SOWAHA: variants seen among roughly 807,000 people sequenced by gnomAD.
SOWAHA encodes ankyrin repeat domain-containing protein SOWAHA.
A neutral mutation model predicts 21.1 loss-of-function variants in SOWAHA; 17 were observed. The observed-to-expected ratio is 0.80, with a 90% CI of 0.55 to 1.21. SOWAHA has a LOEUF of 1.21. Among genes scored for constraint, SOWAHA ranks in the 50% most tolerant of loss-of-function variants. The pLI is 0.00. For synonymous variants in SOWAHA, 422 were observed against 397.1 expected, an observed-to-expected ratio of 1.06 and a Z score of -0.75; for missense variants, 862 against 816.0, an observed-to-expected ratio of 1.06 and a Z score of -0.69.
At position 132,814,512 on chromosome 5, in the gene SOWAHA, C is replaced by T. The variant is rs1199507737; in HGVS notation, c.891C>T (p.Pro297=). ...TGAGCCCTGACGCCGAGGAGTTGCC[C>T]GCCGCGCCGCCGCCGTCCGCGGTGC... ...RLLSPDAEEL[P]AAPPPSAVPL... The change falls in exon 1 of 1, where the codon CCC becomes CCT. Residue 297 remains proline (P), a synonymous_variant. Coordinates refer to ENST00000378693, the MANE Select transcript of SOWAHA (RefSeq NM_175873.6). 5 of 1,368,742 alleles carry T rather than the reference C, an allele frequency of 3.7e-6. No homozygotes were observed. The highest frequency in any genetic ancestry group is 1.5e-5 in the African/African-American group (1 of 65,060). 84.8% of individuals were successfully genotyped at this position (1,368,742 alleles called of 1,614,324 possible).
chr5:132,816,755 T>C lies in SOWAHA; in HGVS notation c.*1484T>C, dbSNP rs1440548984. 2 of 166,924 alleles carry C rather than the reference T, an allele frequency of 1.2e-5. No individual in the cohort carries two copies. The highest frequency in any genetic ancestry group is 4.8e-5 in the African/African-American group (2 of 41,472). The allele number at this position is 166,924 out of a possible 1,614,324, so 10.3% of individuals were successfully genotyped here. A position where few individuals can be genotyped will look rare whatever the true frequency, so the allele number is the denominator to read the frequency against. On this transcript the variant is annotated 3_prime_UTR_variant, in exon 1 of 1. Coordinates refer to ENST00000378693, the MANE Select transcript of SOWAHA (RefSeq NM_175873.6). ...GGCAGTCTTTCATGGAATGTTTTGA[T>C]TGAGCAATGAAATAAACAGTCCTCC... is the stretch of plus-strand genomic sequence containing the variant.
At position 132,816,661 on chromosome 5, in the gene SOWAHA, G is replaced by C. The variant is rs1758388052; in HGVS notation, c.*1390G>C. ...GTCATTAGTTATATCAAATAGTTTT[G>C]TGGCATGGGGTAGTGGAGCTTCCCT... On this transcript the variant is annotated 3_prime_UTR_variant, in exon 1 of 1. Transcript: ENST00000378693. 1 of 167,090 alleles carries C rather than the reference G, an allele frequency of 6.0e-6. No individual in the cohort carries two copies. The highest frequency in any genetic ancestry group is 1.5e-5 in the Non-Finnish European group (1 of 68,116). The allele number at this position is 167,090 out of a possible 1,614,324, so 10.4% of individuals were successfully genotyped here.
chr5:132,814,271 G>C lies in SOWAHA; in HGVS notation c.650G>C (p.Cys217Ser), dbSNP rs939165478. The C allele has an allele frequency of 6.6e-7, 1 of 1,515,284 alleles. No individual in the cohort carries two copies. Among genetic ancestry groups the C allele is most frequent in the Non-Finnish European group, 8.8e-7 (1 of 1,139,200 alleles). The allele number at this position is 1,515,284 out of a possible 1,614,324, so 93.9% of individuals were successfully genotyped here. Reference protein sequence around the residue: ...AAKGPPQQKPCMLPVRCVPAP... With the variant: ...AAKGPPQQKPSMLPVRCVPAP... Reference sequence around the variant, plus strand: ...AAAGGGCCGCCGCAGCAGAAGCCCTGTATGCTGCCGGTGCGCTGCGTCCCG... The same window carrying C: ...AAAGGGCCGCCGCAGCAGAAGCCCTCTATGCTGCCGGTGCGCTGCGTCCCG... The change falls in exon 1 of 1, where the codon TGT becomes TCT. Residue 217 changes from cysteine (C) to serine (S), a missense_variant. Transcript: ENST00000378693.
rs1345128382 is a variant in SOWAHA at position 132,814,781 on chromosome 5, C to T, written c.1160C>T (p.Thr387Met). The change falls in exon 1 of 1, where the codon ACG becomes ATG. Residue 387 changes from threonine to methionine, a missense_variant. Transcript: ENST00000378693. ...AACGCACGCTCCCACGGCGGCTACACGCCGCTGCACCTGGCTGCACTGCAC... is the reference window on the plus strand; with the variant it reads ...AACGCACGCTCCCACGGCGGCTACATGCCGCTGCACCTGGCTGCACTGCAC... ...DVNARSHGGYTPLHLAALHGH... is the reference protein window; with the variant it reads ...DVNARSHGGYMPLHLAALHGH... The T allele has an allele frequency of 6.5e-7, 1 of 1,529,622 alleles. No homozygotes were observed. The highest frequency in any genetic ancestry group is 1.2e-5 in the South Asian group (1 of 83,152). 94.8% of individuals were successfully genotyped at this position (1,529,622 alleles called of 1,614,324 possible).
rs1758368903 is a variant in SOWAHA at position 132,815,067 on chromosome 5, C to T, written c.1446C>T (p.Val482=). 3 of 1,612,112 alleles carry T rather than the reference C, an allele frequency of 1.9e-6. No homozygotes were observed. Among genetic ancestry groups the T allele is most frequent in the Non-Finnish European group, 2.5e-6 (3 of 1,178,932 alleles). Residue 482 remains valine, a synonymous_variant, in exon 1 of 1, where the codon GTC becomes GTT. Transcript: ENST00000378693. ...LSSTTSAFLG[V]LADDLMLQDL... ...CCACCACCAGTGCATTTCTGGGCGT[C>T]CTGGCTGACGACCTCATGCTCCAGG...
Position 132,816,439 on chromosome 5 carries a change from G to A in SOWAHA, c.*1168G>A. The A allele has an allele frequency of 6.0e-6, 1 of 167,214 alleles. No individual in the cohort carries two copies. The allele number at this position is 167,214 out of a possible 1,614,324, so 10.4% of individuals were successfully genotyped here. A position where few individuals can be genotyped will look rare whatever the true frequency, so the allele number is the denominator to read the frequency against. Reference sequence around the variant, plus strand: ...CAAATGCAGAATCTCTGCTCAGTGAGCTTGGATGAGTGGCTTAACTTCTCT... The same window carrying A: ...CAAATGCAGAATCTCTGCTCAGTGAACTTGGATGAGTGGCTTAACTTCTCT... On this transcript the variant is annotated 3_prime_UTR_variant, in exon 1 of 1. Transcript: ENST00000378693.
In SOWAHA at chr5:132,814,334, G is replaced by A; in HGVS notation, c.713G>A (p.Gly238Asp). The A allele has an allele frequency of 2.0e-6, 3 of 1,483,502 alleles. No individual in the cohort carries two copies. Among genetic ancestry groups the A allele is most frequent in the Non-Finnish European group, 2.7e-6 (3 of 1,126,468 alleles). The allele number at this position is 1,483,502 out of a possible 1,614,324, so 91.9% of individuals were successfully genotyped here. A position where few individuals can be genotyped will look rare whatever the true frequency, so the allele number is the denominator to read the frequency against. ...CTCCGCCTCCGGGCGGAGGAGCCCG[G>A]CCTGCGCCGGCAGCTGTCGGAGGAG... ...ATLRLRAEEP[G>D]LRRQLSEEPS... Residue 238 changes from glycine (G) to aspartate (D), a missense_variant, in exon 1 of 1, where the codon GGC becomes GAC. Transcript: ENST00000378693.
At position 132,814,841 on chromosome 5, in the gene SOWAHA, G is replaced by A. The variant is rs763068818; in HGVS notation, c.1220G>A (p.Arg407His). 3.3e-6 allele frequency: 5 copies of A among 1,516,192 alleles called. No individual in the cohort carries two copies. Among genetic ancestry groups the A allele is most frequent in the Admixed American group, 2.0e-5 (1 of 50,084 alleles). 93.9% of individuals were successfully genotyped at this position (1,516,192 alleles called of 1,614,324 possible). A position where few individuals can be genotyped will look rare whatever the true frequency, so the allele number is the denominator to read the frequency against. The change falls in exon 1 of 1, where the codon CGT becomes CAT. Residue 407 changes from arginine (R) to histidine (H), a missense_variant. By Grantham distance (29) the Arg-to-His change is conservative. Coordinates refer to ENST00000378693, the MANE Select transcript of SOWAHA (RefSeq NM_175873.6). ...GACGCTGCCGTGCTGCTGGTGGTGC[G>A]TCTGGGTGCCCAGGTGCACGTGCGT... ...HEDAAVLLVV[R>H]LGAQVHVRDH...
Position 132,813,552 on chromosome 5 carries a change from C to A in SOWAHA, c.-70C>A. On this transcript the variant is annotated 5_prime_UTR_variant, in exon 1 of 1. Transcript: ENST00000378693. ...TGAGCGCGGCCGCGCCTCCCGGAAC[C>A]CCGCTCCCGCGCGTCCCGCGGCGAC... 9.3e-7 allele frequency: 1 copy of A among 1,077,888 alleles called. No homozygotes were observed. The highest frequency in any genetic ancestry group is 4.5e-5 in the South Asian group (1 of 22,376). The allele number at this position is 1,077,888 out of a possible 1,614,324, so 66.8% of individuals were successfully genotyped here.
In SOWAHA at chr5:132,815,393, C is replaced by T; in HGVS notation, c.*122C>T. ...ATTCTGTTTCCAGCTTTGTCCAGGG[C>T]AGCCTGTTTTACCCAGATGGGCCTG... On this transcript the variant is annotated 3_prime_UTR_variant, in exon 1 of 1. Transcript: ENST00000378693. 1.1e-6 allele frequency: 1 copy of T among 922,866 alleles called. No individual in the cohort carries two copies. The highest frequency in any genetic ancestry group is 1.8e-5 in the South Asian group (1 of 54,492). The allele number at this position is 922,866 out of a possible 1,614,324, so 57.2% of individuals were successfully genotyped here.
rs1209822494 is a variant in SOWAHA at position 132,816,380 on chromosome 5, A to G, written c.*1109A>G. ...AAGTATGTAATACCCATTTTAAAAA[A>G]CCATTTGAAAGTAGACAACTTATTC... On this transcript the variant is annotated 3_prime_UTR_variant, in exon 1 of 1. Transcript: ENST00000378693. The G allele has an allele frequency of 6.0e-6, 1 of 167,114 alleles. No individual in the cohort carries two copies. The highest frequency in any genetic ancestry group is 1.5e-5 in the Non-Finnish European group (1 of 68,130). 10.4% of individuals were successfully genotyped at this position (167,114 alleles called of 1,614,324 possible).
At position 132,814,364 on chromosome 5, in the gene SOWAHA, G is replaced by T. The variant is rs1017342479; in HGVS notation, c.743G>T (p.Ser248Ile). ...GLRRQLSEEP[S>I]PRSSPLLLRR... ...CGCCGGCAGCTGTCGGAGGAGCCGA[G>T]CCCGCGGAGCTCCCCTCTGCTGCTG... Residue 248 changes from serine to isoleucine, a missense_variant, in exon 1 of 1, where the codon AGC becomes ATC. Coordinates refer to ENST00000378693, the MANE Select transcript of SOWAHA (RefSeq NM_175873.6). The T allele has an allele frequency of 6.0e-6, 9 of 1,491,176 alleles. No homozygotes were observed. The Admixed American group carries it at 8.9e-5, about 15-fold the overall frequency. 92.4% of individuals were successfully genotyped at this position (1,491,176 alleles called of 1,614,324 possible). A position where few individuals can be genotyped will look rare whatever the true frequency, so the allele number is the denominator to read the frequency against.
rs779571118 is a variant in SOWAHA, at chr5:132,813,663, G to C, written c.42G>C (p.Val14=). 6.9e-7 allele frequency: 1 copy of C among 1,453,758 alleles called. No individual in the cohort carries two copies. The highest frequency in any genetic ancestry group is 1.4e-5 in the South Asian group (1 of 71,366). 90.1% of individuals were successfully genotyped at this position (1,453,758 alleles called of 1,614,324 possible). The change falls in exon 1 of 1, where the codon GTG becomes GTC. Residue 14 remains valine (V), a synonymous_variant. Coordinates refer to ENST00000378693, the MANE Select transcript of SOWAHA (RefSeq NM_175873.6). The part of the protein sequence containing the change: ...AAAAAAAAAG[V]SQAAVLGFLQ... ...CCGCCGCCGCTGCGGCTGCCGGGGTGAGCCAGGCGGCGGTGCTGGGCTTCC... is the reference window on the plus strand; with the variant it reads ...CCGCCGCCGCTGCGGCTGCCGGGGTCAGCCAGGCGGCGGTGCTGGGCTTCC...
At position 132,814,204 on chromosome 5, in the gene SOWAHA, T is replaced by A. The variant is rs756822204; in HGVS notation, c.583T>A (p.Cys195Ser). 2 of 1,586,656 alleles carry A rather than the reference T, an allele frequency of 1.3e-6. No individual in the cohort carries two copies. The highest frequency in any genetic ancestry group is 1.4e-5 in the African/African-American group (1 of 73,306). The change falls in exon 1 of 1, where the codon TGC becomes AGC. Residue 195 changes from cysteine (C) to serine (S), a missense_variant. Cys to Ser is a moderately radical substitution (Grantham distance 112). Coordinates refer to ENST00000378693, the MANE Select transcript of SOWAHA (RefSeq NM_175873.6). ...GGCCCCTTCTGAGGCGGCATCGCCCTGCTCTGATCCGCCAGACGCGGAGCC... is the reference window on the plus strand; with the variant it reads ...GGCCCCTTCTGAGGCGGCATCGCCCAGCTCTGATCCGCCAGACGCGGAGCC... ...PRAPSEAASPCSDPPDAEPGP... is the reference protein window; with the variant it reads ...PRAPSEAASPSSDPPDAEPGP...
In SOWAHA at chr5:132,815,314, TC is replaced by T; in HGVS notation, c.*44del. On this transcript the variant is annotated 3_prime_UTR_variant, in exon 1 of 1. Coordinates refer to ENST00000378693, the MANE Select transcript of SOWAHA (RefSeq NM_175873.6). ...ACCTGGTTGATCTATCGTGGCCTGC[TC>T]GTCGCAGTCCAAACCCGCCCAAGAC... 4 of 1,533,252 alleles carry T rather than the reference TC, an allele frequency of 2.6e-6. No homozygotes were observed. The highest frequency in any genetic ancestry group is 3.5e-6 in the Non-Finnish European group (4 of 1,128,398). The allele number at this position is 1,533,252 out of a possible 1,614,324, so 95.0% of individuals were successfully genotyped here.
In SOWAHA at chr5:132,814,581, G is replaced by A. The variant is rs1161073047; in HGVS notation, c.960G>A (p.Gly320=). Residue 320 remains glycine, a synonymous_variant, in exon 1 of 1, where the codon GGG becomes GGA. Transcript: ENST00000378693. Reference sequence around the variant, plus strand: ...ACGAGTGGCTCGTGCGGACTGCCGGGGGCCGCTGGACCCACCAGCTGCACG... The same window carrying A: ...ACGAGTGGCTCGTGCGGACTGCCGGAGGCCGCTGGACCCACCAGCTGCACG... ...SEHEWLVRTA[G]GRWTHQLHGL... 2 of 1,469,126 alleles carry A rather than the reference G, an allele frequency of 1.4e-6. No individual in the cohort carries two copies. The highest frequency in any genetic ancestry group is 1.8e-6 in the Non-Finnish European group (2 of 1,117,978). The allele number at this position is 1,469,126 out of a possible 1,614,324, so 91.0% of individuals were successfully genotyped here.
In SOWAHA at chr5:132,815,321, A is replaced by G. The variant is rs1313389291; in HGVS notation, c.*50A>G. ...TGATCTATCGTGGCCTGCTCGTCGC[A>G]GTCCAAACCCGCCCAAGACTGCAGC... is the stretch of plus-strand genomic sequence containing the variant. On this transcript the variant is annotated 3_prime_UTR_variant, in exon 1 of 1. Transcript: ENST00000378693. 1 of 1,498,288 alleles carries G rather than the reference A, an allele frequency of 6.7e-7. No individual in the cohort carries two copies. Among genetic ancestry groups the G allele is most frequent in the Non-Finnish European group, 9.1e-7 (1 of 1,103,864 alleles). The allele number at this position is 1,498,288 out of a possible 1,614,324, so 92.8% of individuals were successfully genotyped here.
chr5:132,814,819 G>A lies in SOWAHA; in HGVS notation c.1198G>A (p.Ala400Thr). The A allele has an allele frequency of 6.6e-7, 1 of 1,516,690 alleles. No homozygotes were observed. The highest frequency in any genetic ancestry group is 8.8e-7 in the Non-Finnish European group (1 of 1,131,714). 94.0% of individuals were successfully genotyped at this position (1,516,690 alleles called of 1,614,324 possible). A position where few individuals can be genotyped will look rare whatever the true frequency, so the allele number is the denominator to read the frequency against. The change falls in exon 1 of 1, where the codon GCT (alanine) becomes ACT (threonine). Residue 400 changes from alanine (A) to threonine (T), a missense_variant. Physicochemically the swap from Ala to Thr is moderately conservative, Grantham distance 58. Transcript: ENST00000378693. ...HLAALHGHED[A>T]AVLLVVRLGA... is the part of the protein sequence containing the mutation. The stretch of plus-strand genomic sequence containing the variant: ...GGCTGCACTGCACGGCCACGAGGAC[G>A]CTGCCGTGCTGCTGGTGGTGCGTCT...
In SOWAHA at chr5:132,814,579, G is replaced by C; in HGVS notation, c.958G>C (p.Gly320Arg). The C allele has an allele frequency of 6.8e-7, 1 of 1,464,500 alleles. No individual in the cohort carries two copies. Among genetic ancestry groups the C allele is most frequent in the Non-Finnish European group, 9.0e-7 (1 of 1,115,868 alleles). The allele number at this position is 1,464,500 out of a possible 1,614,324, so 90.7% of individuals were successfully genotyped here. A position where few individuals can be genotyped will look rare whatever the true frequency, so the allele number is the denominator to read the frequency against. ...SEHEWLVRTA[G>R]GRWTHQLHGL... is the part of the protein sequence containing the mutation. ...GCACGAGTGGCTCGTGCGGACTGCC[G>C]GGGGCCGCTGGACCCACCAGCTGCA... Residue 320 changes from glycine to arginine, a missense_variant, in exon 1 of 1, where the codon GGG becomes CGG. Coordinates refer to ENST00000378693, the MANE Select transcript of SOWAHA (RefSeq NM_175873.6).
Sources: gnomAD v4.1 joint callset for allele counts on GRCh38, gnomAD v4.1.1 for gene constraint, MANE v1.5 for transcripts, NCBI Gene and HGNC (gene_info 2026-07-23, HGNC 2026-07-21) for gene names.